SHISA6: variants seen among roughly 807,000 people sequenced by gnomAD.
The protein encoded by SHISA6 is protein shisa-6.
A neutral mutation model predicts 47.9 loss-of-function variants in SHISA6; 22 were observed. That is an observed-to-expected ratio of 0.46 (90% CI 0.33 to 0.66). The LOEUF (loss-of-function observed/expected upper bound fraction) is 0.66, where lower values mean the gene tolerates loss of function less well. Ranked by LOEUF, SHISA6 falls within the 30% of genes least tolerant of loss-of-function variation. The pLI, the probability that SHISA6 is intolerant of heterozygous loss-of-function variation, is 0.02. For missense variants in SHISA6, 680 were observed against 764.6 expected (o/e 0.89, Z 1.30); for synonymous variants, 388 against 337.8 (o/e 1.15, Z -1.63).
intron 2 of SHISA6, among the ~76,000 whole-genome samples, chr17:11,368,183 A>G (rs1423232848): frequency 6.6e-5 from 10 of 152,196 alleles, no homozygotes; most frequent in Admixed American, 5.9e-4. Context: ...ACATGGTCCA[A>G]CCCACACAAA....
At chr17:11,400,929 G>A (rs796920991) in intron 3 of SHISA6, among the ~76,000 whole-genome samples, 2 of 152,134 alleles carry the variant, frequency 1.3e-5, no homozygotes, top group Admixed American at 1.3e-4. Context: ...CACCCTCCAC[G>A]AGTTTTCTCC....
intron 1 of SHISA6, among the ~76,000 whole-genome samples, chr17:11,262,175 G>T (rs1241464402): frequency 6.6e-6 from 1 of 152,208 alleles, no homozygotes; most frequent in Non-Finnish European, 1.5e-5. Flanking sequence ...ATTTTGTGAA[G>T]AAACTATTCT....
chr17:11,461,410 A>AC (rs113286371), intron 3 of SHISA6, among the ~76,000 whole-genome samples: 17,073 of 148,920 alleles, frequency 0.11, 2,035 homozygotes, highest in African/African-American at 0.29. Context: ...AAAAAAAAAA[A>AC]AAAAAAAAAG....
chr17:11,481,358 G>GTATATA (rs1209751142), intron 3 of SHISA6, among the ~76,000 whole-genome samples: 20 of 109,940 alleles, frequency 1.8e-4, no homozygotes, highest in African/African-American at 6.8e-4. Flanking sequence ...GTGTGTGTGT[G>GTATATA]TGTGTGTGTA....
chr17:11,414,840 C>T (rs1185383557), intron 3 of SHISA6, among the ~76,000 whole-genome samples: 2 of 152,146 alleles, frequency 1.3e-5, no homozygotes, highest in Non-Finnish European at 2.9e-5. Context: ...GTAATCCCAG[C>T]ACTTTGGGAG....
intron 3 of SHISA6, among the ~76,000 whole-genome samples, chr17:11,535,740 T>C (rs974896060): frequency 1.3e-5 from 2 of 152,226 alleles, no homozygotes; most frequent in Admixed American, 6.5e-5. Flanking sequence ...CAGCTACTTA[T>C]TTTTTGCGTG....
chr17:11,462,954 G>T (rs1310554349), intron 3 of SHISA6, among the ~76,000 whole-genome samples: 1 of 152,170 alleles, frequency 6.6e-6, no homozygotes, highest in African/African-American at 2.4e-5. Flanking sequence ...AAACGAAGAA[G>T]CGTACAAATG....
intron 1 of SHISA6, among the ~76,000 whole-genome samples, chr17:11,254,144 C>A (rs1907920637): frequency 6.6e-6 from 1 of 152,212 alleles, no homozygotes; most frequent in Admixed American, 6.5e-5. Context: ...GCAAAGCCTT[C>A]TTTCACCTTT....
intron 2 of SHISA6, among the ~76,000 whole-genome samples, chr17:11,294,882 A>C (rs375166646): frequency 6.6e-6 from 1 of 152,196 alleles, no homozygotes; most frequent in Non-Finnish European, 1.5e-5. Context: ...TTAAGGAAGC[A>C]CTTTACAGCT....
chr17:11,375,658 T>C (rs1166613011), intron 2 of SHISA6, among the ~76,000 whole-genome samples: 1 of 152,182 alleles, frequency 6.6e-6, no homozygotes, highest in Non-Finnish European at 1.5e-5. Flanking sequence ...CCAGCCATGG[T>C]CCTCTCTTTA....
At chr17:11,296,589 T>C (rs995350607) in intron 2 of SHISA6, among the ~76,000 whole-genome samples, 4 of 152,156 alleles carry the variant, frequency 2.6e-5, no homozygotes, top group Admixed American at 6.5e-5. Context: ...ACATGTTACG[T>C]AGGAGACATT....
chr17:11,341,798 A>T (rs776044549), intron 2 of SHISA6, among the ~76,000 whole-genome samples: 1 of 152,152 alleles, frequency 6.6e-6, no homozygotes, highest in African/African-American at 2.4e-5. Context: ...ATGTTATGAT[A>T]TCAGTGCTGT....
At chr17:11,352,712 G>A (rs936241308) in intron 2 of SHISA6, among the ~76,000 whole-genome samples, 4 of 152,134 alleles carry the variant, frequency 2.6e-5, no homozygotes, top group African/African-American at 9.7e-5. Context: ...GAGAGGGTTG[G>A]TGCGCCTTGT....
chr17:11,512,358 C>T (rs1272997901), intron 3 of SHISA6, among the ~76,000 whole-genome samples: 2 of 152,098 alleles, frequency 1.3e-5, no homozygotes, highest in African/African-American at 4.8e-5. Context: ...ACAAGTACAC[C>T]ACCTAGTTAC....
At chr17:11,526,111 C>T (rs191439562) in intron 3 of SHISA6, among the ~76,000 whole-genome samples, 1 of 33,574 alleles carries the variant, frequency 3.0e-5, no homozygotes, top group Non-Finnish European at 5.2e-5. Context: ...ACCAAGGGGA[C>T]CCCCCCCCGC....
intron 1 of SHISA6, among the ~76,000 whole-genome samples, chr17:11,242,981 G>C (rs1907428324): frequency 6.6e-6 from 1 of 152,010 alleles, no homozygotes; most frequent in African/African-American, 2.4e-5. Context: ...TCGGCTTCCT[G>C]TCCCCTCATG....
At chr17:11,245,118 T>A (rs559900468) in intron 1 of SHISA6, among the ~76,000 whole-genome samples, 1 of 152,292 alleles carries the variant, frequency 6.6e-6, no homozygotes, top group East Asian at 1.9e-4. Flanking sequence ...GAGAAATCAG[T>A]GTCTGTGGGG....
intron 3 of SHISA6, among the ~76,000 whole-genome samples, chr17:11,484,188 AG>A (rs1916288030): frequency 6.6e-6 from 1 of 152,242 alleles, no homozygotes; most frequent in Admixed American, 6.5e-5. Context: ...ATTCTGAAAA[AG>A]TAGGAGAGCA....
At chr17:11,413,153 G>C (rs1163658673) in intron 3 of SHISA6, among the ~76,000 whole-genome samples, 1 of 152,124 alleles carries the variant, frequency 6.6e-6, no homozygotes, top group Non-Finnish European at 1.5e-5. Context: ...CATGTACTTG[G>C]ATTCCATAAA....
Sources: allele counts gnomAD v4.1 joint callset (sites outside exome capture counted in the v4.1 genomes callset), GRCh38; gene constraint gnomAD v4.1.1; transcripts MANE v1.5; gene names NCBI Gene and HGNC (gene_info 2026-07-23, HGNC 2026-07-21).